Variants in MICAL2 observed in about 807,000 individuals in gnomAD.
The protein encoded by MICAL2 is [F-actin]-monooxygenase MICAL2.
Under a neutral mutation model 127.3 loss-of-function variants are expected in MICAL2, and 77 were observed. That is an observed-to-expected ratio of 0.60 (90% CI 0.50 to 0.73). The LOEUF is 0.73. MICAL2 is among the 30% of genes least tolerant of loss of function. The pLI is 0.00. For missense variants in MICAL2, 1,351 were observed against 1,434.4 expected, an observed-to-expected ratio of 0.94 and a Z score of 0.94; for synonymous variants, 570 against 551.1, an observed-to-expected ratio of 1.03 and a Z score of -0.48.
chr11:12,241,219 G>A, intron 18 of MICAL2, 57 bp downstream of exon 18: 3 of 1,573,880 alleles, frequency 1.9e-6, no homozygotes, highest in South Asian at 2.3e-5. Flanking sequence ...CTTTGATCCA[G>A]ATGGGTGGGG....
At chr11:12,233,871 G>T (rs1413404239) in intron 15 of MICAL2, among the ~76,000 whole-genome samples, 3 of 152,168 alleles carry the variant, frequency 2.0e-5, no homozygotes, top group Admixed American at 6.5e-5. Context: ...TAGATATACA[G>T]ATAAGAAAAA....
chr11:12,167,562 C>G (rs56040273), intron 3 of MICAL2, among the ~76,000 whole-genome samples: 24,851 of 152,158 alleles, frequency 0.16, 2,395 homozygotes, highest in Admixed American at 0.21. Context: ...AGTCATCCAT[C>G]ATGGCTGCGC....
At chr11:12,112,558 G>A (rs1381708955) in intron 1 of MICAL2, among the ~76,000 whole-genome samples, 2 of 151,722 alleles carry the variant, frequency 1.3e-5, no homozygotes, top group Non-Finnish European at 2.9e-5. Flanking sequence ...GGGGTGGGGG[G>A]GCAGGTGTTG....
intron 22 of MICAL2, chr11:12,253,815 C>A (rs906521500): frequency 1.3e-5 from 2 of 152,260 alleles, no homozygotes; most frequent in Non-Finnish European, 2.9e-5. Context: ...TCTGCATGGT[C>A]CACCCTCCAG....
At chr11:12,289,583 T>C (rs1352465737), downstream of MICAL2, among the ~76,000 whole-genome samples, 8 of 116,178 alleles carry the variant, frequency 6.9e-5, no homozygotes, top group East Asian at 1.9e-3. Flanking sequence ...TTTTTTTTCT[T>C]CTTGAGATGG....
chr11:12,137,205 T>C (rs12276591), intron 1 of MICAL2, among the ~76,000 whole-genome samples: 1 of 152,236 alleles, frequency 6.6e-6, no homozygotes, highest in Non-Finnish European at 1.5e-5. Flanking sequence ...GTAATGATGA[T>C]GACGGGCGGG....
intron 3 of MICAL2, among the ~76,000 whole-genome samples, chr11:12,173,786 T>C (rs770066739): frequency 2.6e-5 from 4 of 152,250 alleles, no homozygotes; most frequent in Non-Finnish European, 5.9e-5. Flanking sequence ...TGGAATCATA[T>C]TGTCTTTGTC....
At chr11:12,124,387 C>T (rs745409838) in intron 1 of MICAL2, among the ~76,000 whole-genome samples, 6 of 152,160 alleles carry the variant, frequency 3.9e-5, no homozygotes, top group East Asian at 1.9e-4. Flanking sequence ...TGACCTAAGA[C>T]GCCTTTCTGA....
intron 1 of MICAL2, among the ~76,000 whole-genome samples, chr11:12,280,743 C>G (rs986089020): frequency 2.0e-5 from 3 of 152,244 alleles, no homozygotes; most frequent in Non-Finnish European, 4.4e-5. Flanking sequence ...GGGGTTAGGA[C>G]TTCAGCATAT....
chr11:12,349,579 C>T (rs1939013230), intron 32 of MICAL2, among the ~76,000 whole-genome samples: 1 of 152,028 alleles, frequency 6.6e-6, no homozygotes, highest in South Asian at 2.1e-4. Flanking sequence ...GGGATGTTAT[C>T]GTGGTTATGT....
At position 12,358,313 on chromosome 11, in the gene MICAL2, AG is replaced by A. The variant is rs1426395662; in HGVS notation, c.5710del (p.Asp1904IlefsTer2). On this transcript the variant is annotated frameshift_variant, in exon 35 of 35. Coordinates refer to the MICAL2 transcript ENST00000646065. LOFTEE classifies it high-confidence loss of function. ...TCTTTAGAGAGCCAGAAAGATGAGAAGGATCTAAACGAAGAGCAAGAAGTAT... is the reference window on the plus strand; with the variant it reads ...TCTTTAGAGAGCCAGAAAGATGAGAAGATCTAAACGAAGAGCAAGAAGTAT... 3 of 1,614,060 alleles carry A rather than the reference AG, an allele frequency of 1.9e-6. No homozygotes were observed. The African/African-American group carries it at 4.0e-5, about 22-fold the overall frequency.
chr11:12,224,139 CAT>C (rs1277483665), intron 12 of MICAL2, among the ~76,000 whole-genome samples: 5 of 152,306 alleles, frequency 3.3e-5, no homozygotes, highest in East Asian at 1.9e-4. Context: ...GTTACGCAAA[CAT>C]AGCAGGTTTT....
Position 12,330,150 on chromosome 11 carries a change from G to A in MICAL2, c.5515+2884G>A, listed in dbSNP as rs189411770. Among the ~76,000 whole-genome samples the A allele has an allele frequency of 2.3e-3, 356 of 152,260 alleles. 3 individuals carry two copies. Among genetic ancestry groups the A allele is most frequent in the Middle Eastern group, 0.02 (6 of 294 alleles). ...AACCAAATGGAAGTTTTGCAGACCA[G>A]CCACCAAAATTAATATACTCTAACT... On this transcript the variant is annotated intron_variant, in intron 32 of 34. Transcript: ENST00000646065.
At chr11:12,331,852 T>C (rs1938639619) in intron 32 of MICAL2, among the ~76,000 whole-genome samples, 1 of 152,190 alleles carries the variant, frequency 6.6e-6, no homozygotes, top group African/African-American at 2.4e-5. Context: ...TCTCTTTTCT[T>C]TTATGTCCCT....
chr11:12,253,551 C>G (rs1254683178), intron 22 of MICAL2: 1 of 152,170 alleles, frequency 6.6e-6, no homozygotes, highest in East Asian at 1.9e-4. Context: ...CACCACTCAC[C>G]TCTGGTCACC....
intron 3 of MICAL2, among the ~76,000 whole-genome samples, chr11:12,195,705 C>CTT (rs35521222): frequency 0.012 from 1,716 of 144,548 alleles, 25 homozygotes; most frequent in Non-Finnish European, 0.013. Flanking sequence ...CAATAGATTT[C>CTT]TTTTTTTTTT....
At position 12,147,336 on chromosome 11, in the gene MICAL2, A is replaced by G. The variant is rs556494459; in HGVS notation, c.-78+8876A>G. Among the ~76,000 whole-genome samples the G allele has an allele frequency of 9.8e-5, 15 of 152,320 alleles. No homozygotes were observed. In the East Asian group the frequency reaches 1.9e-3, roughly 20 times the overall value. On this transcript the variant is annotated intron_variant, in intron 2 of 27. Transcript: ENST00000683283. ...TCTATGGTAAGCATTCATTCATTCAACAAACATATACTACCTACTGGGAGC... is the reference window on the plus strand; with the variant it reads ...TCTATGGTAAGCATTCATTCATTCAGCAAACATATACTACCTACTGGGAGC...
intron 1 of MICAL2, among the ~76,000 whole-genome samples, chr11:12,278,343 T>G (rs933757191): frequency 1.2e-4 from 19 of 152,250 alleles, no homozygotes; most frequent in Non-Finnish European, 2.1e-4. Flanking sequence ...GCTTTTTTAT[T>G]CTTTACTTCT....
chr11:12,224,661 T>C lies in MICAL2; in HGVS notation c.1541-12T>C, dbSNP rs957262836. 1.3e-5 allele frequency: 21 copies of C among 1,611,718 alleles called. 1 individual carries two copies. The highest frequency in any genetic ancestry group is 3.3e-5 in the South Asian group (3 of 91,042). On this transcript the variant is annotated splice_polypyrimidine_tract_variant and intron_variant, in intron 12 of 27. Transcript: ENST00000683283. ...CTGCAGAGCCTCACTGCCTGCGCTC[T>C]CCTTCTTGCAGAGTCAGATATCCGG...
Sources: allele counts gnomAD v4.1 joint callset (sites outside exome capture counted in the v4.1 genomes callset), GRCh38; gene constraint gnomAD v4.1.1; transcripts MANE v1.5; gene names NCBI Gene and HGNC (gene_info 2026-07-23, HGNC 2026-07-21).